Variants in DPEP3 observed in about 807,000 individuals in gnomAD.
DPEP3 encodes the protein dipeptidase 3, also known as membrane-bound dipeptidase 3.
A neutral mutation model predicts 47.5 loss-of-function variants in DPEP3; 42 were observed. That is an observed-to-expected ratio of 0.88 (90% confidence interval 0.69 to 1.14). The LOEUF (loss-of-function observed/expected upper bound fraction) is 1.14. Among genes scored for constraint, DPEP3 ranks in the 50% most tolerant of loss-of-function variants. The pLI, the probability that DPEP3 is intolerant of heterozygous loss-of-function variation, is 0.00. For missense variants in DPEP3, 560 were observed against 635.0 expected (o/e 0.88, Z 1.27); for synonymous variants, 276 against 270.2 (o/e 1.02, Z -0.21).
Position 67,980,444 on chromosome 16 carries a change from G to A in DPEP3, c.-64C>T, listed in dbSNP as rs755495304. 8.2e-6 allele frequency: 12 copies of A among 1,458,952 alleles called. No homozygotes were observed. In the East Asian group the frequency reaches 2.9e-4, roughly 35 times the overall value. The allele number at this position is 1,458,952 out of a possible 1,614,324, so 90.4% of individuals were successfully genotyped here. A position where few individuals can be genotyped will look rare whatever the true frequency, so the allele number is the denominator to read the frequency against. ...GGCGATGGGCAGAGGCCGACAATGG[G>A]GTCCGGATCATGACGACCCAGCCTC... On this transcript the variant is annotated 5_prime_UTR_variant, in exon 1 of 10. Transcript: ENST00000268793.
rs1341936645 is a variant in DPEP3, at chr16:67,976,231, G to A, written c.1095-3C>T. The A allele has an allele frequency of 6.2e-7, 1 of 1,613,914 alleles. No homozygotes were observed. The highest frequency in any genetic ancestry group is 8.5e-7 in the Non-Finnish European group (1 of 1,179,966). ...CATCCTCCAGCCCCTGAGGGAACCT[G>A]TGTGGCCACCCACCAGCCAGCTGTG... On this transcript the variant is annotated splice_region_variant and splice_polypyrimidine_tract_variant and intron_variant, in intron 8 of 9. Coordinates refer to ENST00000268793, the MANE Select transcript of DPEP3 (RefSeq NM_001370198.1).
intron 7 of DPEP3, 73 bp from the exon 8 acceptor site, chr16:67,976,848 G>T: frequency 3.0e-6 from 4 of 1,333,578 alleles, no homozygotes; most frequent in Non-Finnish European, 3.2e-6. Flanking sequence ...CAGCACTCCA[G>T]GCTGTGGCAG....
At chr16:67,979,806 C>A in intron 1 of DPEP3, 41 bp from the exon 2 acceptor site, 1 of 1,610,646 alleles carries the variant, frequency 6.2e-7, no homozygotes, top group South Asian at 1.1e-5. Flanking sequence ...GCCTCCAGAT[C>A]AGTCAGGATA....
Position 67,980,316 on chromosome 16 carries a change from A to G in DPEP3, c.65T>C (p.Leu22Pro). ...LSRRYLRRLL[L>P]LLLLLLLRQP... Reference sequence around the variant, plus strand: ...CCGCAGCAGCAGCAGCAGTAGCAGGAGCAGCAGACGCCGCAGATACCGCCG... The same window carrying G: ...CCGCAGCAGCAGCAGCAGTAGCAGGGGCAGCAGACGCCGCAGATACCGCCG... Residue 22 changes from leucine to proline, a missense_variant, in exon 1 of 10, where the codon CTC becomes CCC. Coordinates refer to ENST00000268793, the MANE Select transcript of DPEP3 (RefSeq NM_001370198.1). 1 of 1,560,912 alleles carries G rather than the reference A, an allele frequency of 6.4e-7. No homozygotes were observed. Among genetic ancestry groups the G allele is most frequent in the East Asian group, 2.4e-5 (1 of 41,770 alleles).
At chr16:67,977,152 TG>T in intron 7 of DPEP3, 117 bp downstream of exon 7, 1 of 833,072 alleles carries the variant, frequency 1.2e-6, no homozygotes, top group Non-Finnish European at 1.9e-6. Context: ...CTGCTGCCTC[TG>T]GGTCGTTGGG....
intron 8 of DPEP3, 24 bp from the exon 9 acceptor site, chr16:67,976,252 C>G: frequency 6.2e-7 from 1 of 1,613,376 alleles, no homozygotes; most frequent in Non-Finnish European, 8.5e-7. Context: ...CACCAGCCAG[C>G]TGTGGGACCT....
rs1183346635 is a variant in DPEP3 at position 67,978,385 on chromosome 16, C to A, written c.568G>T (p.Ala190Ser). ...CCACCCTCCACGCCAATGAGGCAGG[C>A]CAGCTTTTGAGAGCTGTTCAGACCT... is the stretch of plus-strand genomic sequence containing the variant. The part of the protein sequence containing the change: ...AEGLNSSQKL[A>S]CLIGVEGGHS... The change falls in exon 4 of 10, where the codon GCC (alanine) becomes TCC (serine). Residue 190 changes from alanine to serine, a missense_variant. Ala to Ser is a moderately conservative substitution (Grantham distance 99). Transcript: ENST00000268793. This position sits in a 1 kb window ranked among gnomAD's most constrained non-coding sequence, Gnocchi z 4.4. 10 of 1,614,024 alleles carry A rather than the reference C, an allele frequency of 6.2e-6. No individual in the cohort carries two copies.
rs767052159 is a variant in DPEP3 at position 67,978,399 on chromosome 16, C to T, written c.554G>A (p.Ser185Asn). The change falls in exon 4 of 10, where the codon AGC becomes AAC. Residue 185 changes from serine (S) to asparagine (N), a missense_variant. Physicochemically the swap from Ser to Asn is conservative, Grantham distance 46. Coordinates refer to ENST00000268793, the MANE Select transcript of DPEP3 (RefSeq NM_001370198.1). This position sits in a 1 kb window ranked among gnomAD's most constrained non-coding sequence, Gnocchi z 4.4. The part of the protein sequence containing the change: ...ELVTSAEGLN[S>N]SQKLACLIGV... ...AATGAGGCAGGCCAGCTTTTGAGAG[C>T]TGTTCAGACCTAGAAGGAGGTAGAG... 7.4e-6 allele frequency: 12 copies of T among 1,614,024 alleles called. No individual in the cohort carries two copies. Among genetic ancestry groups the T allele is most frequent in the Non-Finnish European group, 1.0e-5 (12 of 1,179,904 alleles).
chr16:67,979,508 T>A (rs1231962371), intron 2 of DPEP3, 131 bp downstream of exon 2: 45 of 1,408,268 alleles, frequency 3.2e-5, no homozygotes, highest in Non-Finnish European at 4.1e-5. Context: ...CCCACTCTCC[T>A]TAGAAACCAC....
At chr16:67,979,484 T>C (rs1289361353) in intron 2 of DPEP3, among the ~76,000 whole-genome samples, 155 bp downstream of exon 2, 1 of 152,240 alleles carries the variant, frequency 6.6e-6, no homozygotes, top group African/African-American at 2.4e-5. Context: ...CTAGCCTGTC[T>C]TGGCCTCCAA....
rs537709088 is a variant in DPEP3 at position 67,980,276 on chromosome 16, G to A, written c.105C>T (p.Arg35=). 30 of 1,586,494 alleles carry A rather than the reference G, an allele frequency of 1.9e-5. No individual in the cohort carries two copies. The South Asian group carries it at 3.2e-4, about 17-fold the overall frequency. ...TGGGGGCGCCCGGCGTGGTCTCCGC[G>A]CGGGTTACGGGCTGCCGCAGCAGCA... The part of the protein sequence containing the change: ...LLLLLRQPVT[R]AETTPGAPRA... The change falls in exon 1 of 10, where the codon CGC becomes CGT. Residue 35 remains arginine, a synonymous_variant. Transcript: ENST00000268793.
chr16:67,979,823 G>C, intron 1 of DPEP3, 58 bp from the exon 2 acceptor site: 2 of 1,601,514 alleles, frequency 1.2e-6, no homozygotes, highest in East Asian at 2.2e-5. Flanking sequence ...GATATATCAG[G>C]TGCTTGGGTC....
Position 67,978,094 on chromosome 16 carries a change from G to C in DPEP3, c.687-87C>G, listed in dbSNP as rs1259368924. ...GGCCCTGGCTCTATCCATCCATCCT[G>C]CTTCCAGAACAGGTGCAGAACCAGC... On this transcript the variant is annotated intron_variant, in intron 4 of 9. Transcript: ENST00000268793. This position sits in a 1 kb window ranked among gnomAD's most constrained non-coding sequence, Gnocchi z 4.4. 9 of 1,584,314 alleles carry C rather than the reference G, an allele frequency of 5.7e-6. No individual in the cohort carries two copies. The Admixed American group carries it at 1.4e-4, about 24-fold the overall frequency.
chr16:67,976,746 CA>C lies in DPEP3; in HGVS notation c.1047del (p.Ile349MetfsTer31). On this transcript the variant is annotated frameshift_variant, in exon 8 of 10. Coordinates refer to ENST00000268793, the MANE Select transcript of DPEP3 (RefSeq NM_001370198.1). LOFTEE classifies it high-confidence loss of function. The part of the protein sequence containing the change: ...ADHFDHIRAV[I>X]GSEFIGIGGN... Reference sequence around the variant, plus strand: ...CCACCAATCCCGATGAACTCAGATCCAATGACTGCCCTGATGTGGTCAAAGT... The same window carrying C: ...CCACCAATCCCGATGAACTCAGATCCATGACTGCCCTGATGTGGTCAAAGT... The C allele has an allele frequency of 6.2e-7, 1 of 1,614,104 alleles. No individual in the cohort carries two copies. The highest frequency in any genetic ancestry group is 8.5e-7 in the Non-Finnish European group (1 of 1,180,002).
Position 67,976,727 on chromosome 16 carries a change from A to G in DPEP3, c.1067T>C (p.Ile356Thr). 6.2e-7 allele frequency: 1 copy of G among 1,614,092 alleles called. No homozygotes were observed. Among genetic ancestry groups the G allele is most frequent in the Non-Finnish European group, 8.5e-7 (1 of 1,179,996 alleles). The change falls in exon 8 of 10, where the codon ATT (isoleucine) becomes ACT (threonine). Residue 356 changes from isoleucine (I) to threonine (T), a missense_variant. Transcript: ENST00000268793. ...GCCAGTCCCGTCATAATTTCCACCAATCCCGATGAACTCAGATCCAATGAC... is the reference window on the plus strand; with the variant it reads ...GCCAGTCCCGTCATAATTTCCACCAGTCCCGATGAACTCAGATCCAATGAC... ...RAVIGSEFIG[I>T]GGNYDGTGRF...
At position 67,975,911 on chromosome 16, in the gene DPEP3, G is replaced by A; in HGVS notation, c.1321C>T (p.Gln441Ter). ...AGATGAGTAGCCTGGTGTCCATTCT[G>A]AGGCACGAGGTGGGAGTGGCAGGAT... ...STSCHSHLVP[Q>*]NGHQATHLEV... is the part of the protein sequence containing the mutation. The change falls in exon 10 of 10, where the codon CAG (glutamine) becomes TAG (stop). Residue 441 changes from glutamine (Q) to a stop codon, truncating the protein, a stop_gained. Coordinates refer to ENST00000268793, the MANE Select transcript of DPEP3 (RefSeq NM_001370198.1). LOFTEE classifies it high-confidence loss of function. The A allele has an allele frequency of 6.2e-7, 1 of 1,613,956 alleles. No homozygotes were observed. Among genetic ancestry groups the A allele is most frequent in the Non-Finnish European group, 8.5e-7 (1 of 1,179,864 alleles).
Position 67,978,310 on chromosome 16 carries a change from CCAGCACATAGAAACTGCG to C in DPEP3, c.625_642del (p.Arg209_Leu214del). The C allele has an allele frequency of 6.2e-7, 1 of 1,614,164 alleles. No homozygotes were observed. Reference sequence around the variant, plus strand: ...AAGGTAAGTGTCAGGTAGCGCACCCCCAGCACATAGAAACTGCGCAGCACAGAGAGGCTGCTGTCCAGT... The same window carrying C: ...AAGGTAAGTGTCAGGTAGCGCACCCCCAGCACAGAGAGGCTGCTGTCCAGT... On this transcript the variant is annotated inframe_deletion, in exon 4 of 10. Coordinates refer to ENST00000268793, the MANE Select transcript of DPEP3 (RefSeq NM_001370198.1). This position sits in a 1 kb window ranked among gnomAD's most constrained non-coding sequence, Gnocchi z 4.4.
rs1218247340 is a variant in DPEP3 at position 67,980,123 on chromosome 16, G to A, written c.258C>T (p.Ala86=). Residue 86 remains alanine (A), a synonymous_variant, in exon 1 of 10, where the codon GCC becomes GCT. Transcript: ENST00000268793. ...CCACGAGTGGGAAACTCCGCATCAG[G>A]GCCTGCGCGCGACCCCGAAGGTCCA... ...KTLDLRGRAQ[A]LMRSFPLVDG... 1.9e-6 allele frequency: 3 copies of A among 1,612,418 alleles called. No individual in the cohort carries two copies. The South Asian group carries it at 3.3e-5, about 18-fold the overall frequency.
chr16:67,977,421 G>T, intron 6 of DPEP3, 67 bp from the exon 7 acceptor site: 2 of 1,497,798 alleles, frequency 1.3e-6, no homozygotes, highest in Non-Finnish European at 1.8e-6. Context: ...GTGCTGTGGG[G>T]GCCCTGGTAG....
Sources: allele counts gnomAD v4.1 joint callset (sites outside exome capture counted in the v4.1 genomes callset), GRCh38; gene constraint gnomAD v4.1.1; non-coding constraint Gnocchi (gnomAD v3.1); transcripts MANE v1.5; gene names NCBI Gene and HGNC (gene_info 2026-07-23, HGNC 2026-07-21).